ERC2: variants seen among roughly 807,000 people sequenced by gnomAD.
ERC2 encodes ELKS/RAB6-interacting/CAST family member 2, also known as ERC protein 2.
Under a neutral mutation model 114.8 loss-of-function variants are expected in ERC2, and 42 were observed. The ratio of observed to expected loss-of-function variants is 0.37; its 90% CI spans 0.29 to 0.47. The LOEUF (loss-of-function observed/expected upper bound fraction) is 0.47. ERC2 is among the 20% of genes least tolerant of loss of function. ERC2 has a pLI of 0.99. For synonymous variants in ERC2, 454 were observed against 425.5 expected (o/e 1.07, Z -0.82); for missense variants, 939 against 1,150.7 (o/e 0.82, Z 2.66).
chr3:56,188,545 C>G (rs1303845248), intron 3 of ERC2, among the ~76,000 whole-genome samples: 4 of 152,194 alleles, frequency 2.6e-5, no homozygotes, highest in African/African-American at 9.7e-5. Context: ...CATGAGAGAA[C>G]ACAGTTATGG....
intron 1 of ERC2, among the ~76,000 whole-genome samples, chr3:56,436,496 A>G (rs1034159848): frequency 6.6e-6 from 1 of 151,976 alleles, no homozygotes; most frequent in Non-Finnish European, 1.5e-5. Context: ...TCCCAAATAC[A>G]CACTTTCTGA....
intron 6 of ERC2, among the ~76,000 whole-genome samples, chr3:56,089,566 G>A (rs989402359): frequency 6.6e-6 from 1 of 151,044 alleles, no homozygotes; most frequent in Admixed American, 6.6e-5. Flanking sequence ...TACATTTTTT[G>A]TATTGTCTTC....
chr3:56,190,911 C>A (rs1234278752), intron 3 of ERC2, among the ~76,000 whole-genome samples: 1 of 151,914 alleles, frequency 6.6e-6, no homozygotes, highest in Non-Finnish European at 1.5e-5. Flanking sequence ...ATAGTATGAC[C>A]CAAGTGAAAA....
chr3:55,585,509 A>G (rs1224957084), intron 17 of ERC2, among the ~76,000 whole-genome samples: 1 of 152,096 alleles, frequency 6.6e-6, no homozygotes, highest in African/African-American at 2.4e-5. Flanking sequence ...TTATAGAAAA[A>G]TCTCCCAACA....
At chr3:55,909,465 A>G (rs1019819489) in intron 13 of ERC2, among the ~76,000 whole-genome samples, 3 of 152,158 alleles carry the variant, frequency 2.0e-5, no homozygotes, top group Non-Finnish European at 4.4e-5. Context: ...ATAAGCAGGG[A>G]GTAGCTGGGC....
chr3:56,023,812 A>AAGGAAGGAAGGAAGGAAGG (rs1309261785), intron 7 of ERC2, among the ~76,000 whole-genome samples: 1 of 151,924 alleles, frequency 6.6e-6, no homozygotes, highest in African/African-American at 2.4e-5. Flanking sequence ...GGAAGGAAGG[A>AAGGAAGGAAGGAAGGAAGG]ATTCTAAAGA....
At chr3:56,075,530 G>A (rs2076932875) in intron 7 of ERC2, among the ~76,000 whole-genome samples, 1 of 152,158 alleles carries the variant, frequency 6.6e-6, no homozygotes, top group South Asian at 2.1e-4. Context: ...AGTGGCTTCT[G>A]CTGTTTGCAT....
chr3:55,760,794 C>T (rs753694655), intron 14 of ERC2, among the ~76,000 whole-genome samples: 4 of 152,158 alleles, frequency 2.6e-5, no homozygotes, highest in Non-Finnish European at 5.9e-5. Flanking sequence ...TACTTTTTGA[C>T]ACATATAATA....
intron 10 of ERC2, among the ~76,000 whole-genome samples, chr3:56,003,465 G>A (rs1210148961): frequency 6.6e-6 from 1 of 152,132 alleles, no homozygotes; most frequent in Non-Finnish European, 1.5e-5. Context: ...CAATGAATCA[G>A]AAGAAGTACT....
intron 3 of ERC2, among the ~76,000 whole-genome samples, chr3:56,254,488 C>G (rs1055025586): frequency 6.6e-6 from 1 of 152,158 alleles, no homozygotes; most frequent in Non-Finnish European, 1.5e-5. Flanking sequence ...AAGGAGGAGG[C>G]CCCACCTCTG....
intron 6 of ERC2, among the ~76,000 whole-genome samples, chr3:56,125,567 T>C (rs1421672064): frequency 1.3e-5 from 2 of 152,172 alleles, no homozygotes; most frequent in African/African-American, 4.8e-5. Flanking sequence ...ACTGGCTAGA[T>C]TGAAAAAAGA....
intron 2 of ERC2, among the ~76,000 whole-genome samples, chr3:56,383,480 G>A (rs2059826909): frequency 6.6e-6 from 1 of 152,144 alleles, no homozygotes; most frequent in African/African-American, 2.4e-5. Flanking sequence ...GCTCCAGGAT[G>A]AGAGAATTTT....
chr3:55,928,682 C>T (rs903087533), intron 13 of ERC2, among the ~76,000 whole-genome samples: 2 of 152,102 alleles, frequency 1.3e-5, no homozygotes, highest in African/African-American at 4.8e-5. Flanking sequence ...AAATCTTTGC[C>T]CAGTCCAATG....
chr3:55,954,731 A>G (rs1247923261), intron 12 of ERC2, among the ~76,000 whole-genome samples: 1 of 152,182 alleles, frequency 6.6e-6, no homozygotes, highest in African/African-American at 2.4e-5. Context: ...AGTATAATTA[A>G]CGAAAGTATT....
intron 14 of ERC2, among the ~76,000 whole-genome samples, chr3:55,791,561 GC>G (rs760461837): frequency 7.9e-5 from 12 of 152,122 alleles, no homozygotes; most frequent in African/African-American, 2.9e-4. Flanking sequence ...TTTAGGTCAA[GC>G]TAAAATCAAA....
At chr3:56,265,043 C>T (rs553230247) in intron 3 of ERC2, among the ~76,000 whole-genome samples, 2 of 152,264 alleles carry the variant, frequency 1.3e-5, no homozygotes, top group South Asian at 2.1e-4. Flanking sequence ...AAGCAGTCTA[C>T]AGGTTCAACA....
intron 3 of ERC2, among the ~76,000 whole-genome samples, chr3:56,230,785 A>AT: frequency 6.6e-6 from 1 of 152,340 alleles, no homozygotes; most frequent in South Asian, 2.1e-4. Context: ...TAAACTCAAA[A>AT]TTGTGTCAAA....
At chr3:56,353,236 A>G (rs1251123270) in intron 2 of ERC2, among the ~76,000 whole-genome samples, 1 of 152,050 alleles carries the variant, frequency 6.6e-6, no homozygotes, top group Non-Finnish European at 1.5e-5. Flanking sequence ...ATGCAAATAT[A>G]GATCTACAAC....
intron 14 of ERC2, among the ~76,000 whole-genome samples, chr3:55,839,625 T>G (rs762920601): frequency 2.6e-4 from 39 of 151,886 alleles, no homozygotes; most frequent in Non-Finnish European, 2.8e-4. Flanking sequence ...TATTTGAAGA[T>G]AGAGTTTAAT....
Sources: gnomAD v4.1 joint callset for allele counts (sites outside exome capture counted in the v4.1 genomes callset) on GRCh38, gnomAD v4.1.1 for gene constraint, MANE v1.5 for transcripts, NCBI Gene and HGNC (gene_info 2026-07-23, HGNC 2026-07-21) for gene names.